PABPC4: variants seen among roughly 807,000 people sequenced by gnomAD.
The protein encoded by PABPC4 is polyadenylate-binding protein 4.
PABPC4 carries 15 observed loss-of-function variants against 74.5 expected under a neutral mutation model. That is an observed-to-expected ratio of 0.20 (90% CI 0.13 to 0.31). PABPC4 has a LOEUF of 0.31. PABPC4 is among the 10% of genes least tolerant of loss of function. The pLI is 1.00. For missense variants in PABPC4, 610 were observed against 853.5 expected (o/e 0.71, Z 3.55); for synonymous variants, 345 against 303.0 (o/e 1.14, Z -1.44).
In PABPC4 at chr1:39,564,413, G is replaced by T. The variant is rs755395233; in HGVS notation, c.1453+10C>A. On this transcript the variant is annotated intron_variant, in intron 10 of 15. Transcript: ENST00000372858. ...CCCCAGGCCACACTTCTAAAGGCCA[G>T]TTTGCTCACCGACTCTCTGAGTGGT... 12 of 1,612,996 alleles carry T rather than the reference G, an allele frequency of 7.4e-6. No individual in the cohort carries two copies. In the Admixed American group the frequency reaches 1.0e-4, roughly 13 times the overall value.
intron 6 of PABPC4, 100 bp downstream of exon 6, chr1:39,568,702 A>C: frequency 1.8e-6 from 2 of 1,085,184 alleles, no homozygotes; most frequent in Non-Finnish European, 1.4e-6. Flanking sequence ...GAAGAAGAAC[A>C]CACTCCAAGT....
chr1:39,561,236 T>C (rs558400801), intron 15 of PABPC4, 114 bp from the exon 16 acceptor site: 32 of 432,020 alleles, frequency 7.4e-5, no homozygotes, highest in African/African-American at 4.7e-4. Flanking sequence ...CTCAGTGCTA[T>C]TGACACTTTG....
chr1:39,570,953 T>A (rs780697515), intron 3 of PABPC4: 17 of 961,368 alleles, frequency 1.8e-5, no homozygotes, highest in Non-Finnish European at 2.3e-5. Context: ...TAGAGCTGCT[T>A]TCCAGCCAGC....
intron 12 of PABPC4, 130 bp downstream of exon 12, chr1:39,563,484 G>GA: frequency 8.3e-7 from 1 of 1,204,044 alleles, no homozygotes; most frequent in Non-Finnish European, 1.1e-6. Flanking sequence ...CAGGGACAGT[G>GA]AATCAGAACA....
rs1646023307 is a variant in PABPC4, at chr1:39,576,147, G to A, written c.-196C>T. 6 of 507,948 alleles carry A rather than the reference G, an allele frequency of 1.2e-5. No individual in the cohort carries two copies. Among genetic ancestry groups the A allele is most frequent in the African/African-American group, 4.1e-5 (2 of 48,962 alleles). 31.5% of individuals were successfully genotyped at this position (507,948 alleles called of 1,614,324 possible). On this transcript the variant is annotated 5_prime_UTR_variant, in exon 1 of 16. Coordinates refer to ENST00000372858, the MANE Select transcript of PABPC4 (RefSeq NM_001135653.2). ...GCGGGGGCCGGCTCCCACGGCCGCA[G>A]CACCGCAGACAAAAGGCTCTCCGCA...
Position 39,569,996 on chromosome 1 carries a change from C to T in PABPC4, c.510G>A (p.Val170=). 3 of 1,613,608 alleles carry T rather than the reference C, an allele frequency of 1.9e-6. No individual in the cohort carries two copies. The highest frequency in any genetic ancestry group is 2.5e-6 in the Non-Finnish European group (3 of 1,179,896). The part of the protein sequence containing the change: ...GMLLNDRKVF[V]GRFKSRKERE... ...GCTCTTTGCGAGACTTGAATCTGCC[C>T]ACAAATCTAAAATGAAACCATGAAG... Residue 170 remains valine (V), a synonymous_variant, in exon 4 of 16, where the codon GTG becomes GTA. Transcript: ENST00000372858.
Position 39,560,825 on chromosome 1 carries a change from GA to G in PABPC4, c.*310del, listed in dbSNP as rs1053615383. The stretch of plus-strand genomic sequence containing the variant: ...TCAGAGACAGAGGCAGTTTTATGGA[GA>G]TTTTTTTTCTTTATTGGGAAACGTA... On this transcript the variant is annotated 3_prime_UTR_variant, in exon 16 of 16. Transcript: ENST00000372858. 8.2e-5 allele frequency: 14 copies of G among 170,818 alleles called. No homozygotes were observed. The highest frequency in any genetic ancestry group is 5.3e-4 in the Admixed American group (9 of 17,032). The allele number at this position is 170,818 out of a possible 1,614,324, so 10.6% of individuals were successfully genotyped here.
Position 39,563,443 on chromosome 1 carries a change from C to G in PABPC4, c.1668+171G>C, listed in dbSNP as rs556605158. ...GCATCAGGCAGAGCACTTTTAAGCCCCTTCTTTCCCACTAGTGAGCCCCTG... is the reference window on the plus strand; with the variant it reads ...GCATCAGGCAGAGCACTTTTAAGCCGCTTCTTTCCCACTAGTGAGCCCCTG... On this transcript the variant is annotated intron_variant, in intron 12 of 15. Coordinates refer to ENST00000372858, the MANE Select transcript of PABPC4 (RefSeq NM_001135653.2). The G allele has an allele frequency of 1.2e-5, 10 of 844,764 alleles. No individual in the cohort carries two copies. The African/African-American group carries it at 1.7e-4, about 14-fold the overall frequency. The allele number at this position is 844,764 out of a possible 1,614,324, so 52.3% of individuals were successfully genotyped here.
At chr1:39,568,732 TA>T in intron 6 of PABPC4, 69 bp downstream of exon 6, 1 of 1,452,952 alleles carries the variant, frequency 6.9e-7, no homozygotes, top group Non-Finnish European at 9.4e-7. Flanking sequence ...GAAAGCCCGC[TA>T]AACATAGGGG....
intron 15 of PABPC4, 108 bp downstream of exon 15, chr1:39,561,577 T>C: frequency 2.8e-6 from 2 of 725,668 alleles, no homozygotes; most frequent in South Asian, 1.7e-5. Context: ...ACTTATTGTA[T>C]TCCCAGAGCT....
intron 3 of PABPC4, chr1:39,570,360 C>T (rs1348469324): frequency 4.7e-6 from 1 of 210,900 alleles, no homozygotes. Flanking sequence ...AGTGGTTAAT[C>T]CTAGATATGA....
intron 5 of PABPC4, 78 bp from the exon 6 acceptor site, chr1:39,569,017 A>G: frequency 1.3e-6 from 2 of 1,494,446 alleles, no homozygotes; most frequent in Non-Finnish European, 1.8e-6. Context: ...CCCAAAAAAT[A>G]TTCTTTCTAC....
At chr1:39,568,018 G>A (rs1645876363) in intron 6 of PABPC4, 172 bp from the exon 7 acceptor site, 1 of 502,294 alleles carries the variant, frequency 2.0e-6, no homozygotes. Context: ...AGCACTTTGG[G>A]AGGCCGAGGC....
Position 39,561,018 on chromosome 1 carries a change from T to C in PABPC4, c.*118A>G. 1 of 406,680 alleles carries C rather than the reference T, an allele frequency of 2.5e-6. No individual in the cohort carries two copies. The highest frequency in any genetic ancestry group is 5.2e-6 in the Non-Finnish European group (1 of 193,744). 25.2% of individuals were successfully genotyped at this position (406,680 alleles called of 1,614,324 possible). A position where few individuals can be genotyped will look rare whatever the true frequency, so the allele number is the denominator to read the frequency against. On this transcript the variant is annotated 3_prime_UTR_variant, in exon 16 of 16. Coordinates refer to ENST00000372858, the MANE Select transcript of PABPC4 (RefSeq NM_001135653.2). ...TGACCTTTTGATACAAAATGACCTA[T>C]TAAATTTGCAATTTGTAATCCTTGG...
intron 3 of PABPC4, among the ~76,000 whole-genome samples, chr1:39,570,894 G>C (rs1645929692): frequency 6.6e-6 from 1 of 152,228 alleles, no homozygotes; most frequent in African/African-American, 2.4e-5. Context: ...GGTCAGTCCA[G>C]GGCCCTCTCC....
intron 7 of PABPC4, 45 bp downstream of exon 7, chr1:39,567,706 T>C (rs1038028952): frequency 2.1e-6 from 2 of 937,650 alleles, no homozygotes; most frequent in South Asian, 2.6e-5. Context: ...AATAAGCCTA[T>C]AATGGAATAC....
chr1:39,563,793 G>A lies in PABPC4; in HGVS notation c.1540+43C>T, dbSNP rs772448082. ...AGCCCATCAGTCTGGGCAAAGACCC[G>A]TCAAATCCCATCTTTCCCCCTTCTG... is the stretch of plus-strand genomic sequence containing the variant. On this transcript the variant is annotated intron_variant, in intron 11 of 15. Transcript: ENST00000372858. 2.2e-5 allele frequency: 35 copies of A among 1,613,762 alleles called. No homozygotes were observed. In the Admixed American group the frequency reaches 3.0e-4, roughly 14 times the overall value.
Position 39,575,935 on chromosome 1 carries a change from C to G in PABPC4, c.17G>C (p.Ser6Thr). Residue 6 changes from serine (S) to threonine (T), a missense_variant, in exon 1 of 16, where the codon AGC becomes ACC. Physicochemically the swap from Ser to Thr is moderately conservative, Grantham distance 58. This residue lies in a region of PABPC4 where 304 missense variants were observed against 478.9 expected (regional missense o/e 0.63). Transcript: ENST00000372858. MNAAA[S>T]SYPMASLYVG... ...GTACAGGGAGGCCATGGGGTAGCTG[C>G]TGGCCGCAGCGTTCATCTCCCCGCC... is the stretch of plus-strand genomic sequence containing the variant. The G allele has an allele frequency of 6.3e-7, 1 of 1,593,414 alleles. No individual in the cohort carries two copies. Among genetic ancestry groups the G allele is most frequent in the Non-Finnish European group, 8.6e-7 (1 of 1,168,498 alleles).
At chr1:39,563,399 G>T in intron 12 of PABPC4, 1 of 560,604 alleles carries the variant, frequency 1.8e-6, no homozygotes, top group Non-Finnish European at 3.1e-6. Context: ...CCCGCTCTGA[G>T]GCATTTCTGA....
Sources: allele counts gnomAD v4.1 joint callset (sites outside exome capture counted in the v4.1 genomes callset), GRCh38; gene constraint gnomAD v4.1.1; regional missense constraint gnomAD v4.1.1; transcripts MANE v1.5; gene names NCBI Gene and HGNC (gene_info 2026-07-23, HGNC 2026-07-21).